SNRNP70: variants seen among roughly 807,000 people sequenced by gnomAD.
SNRNP70 encodes small nuclear ribonucleoprotein U1 subunit 70.
Under a neutral mutation model 50.5 loss-of-function variants are expected in SNRNP70, and 8 were observed. That is an observed-to-expected ratio of 0.16 (90% CI 0.09 to 0.29). The LOEUF (loss-of-function observed/expected upper bound fraction) is 0.29, where lower values mean the gene tolerates loss of function less well. SNRNP70 is among the 10% of genes least tolerant of loss of function. The probability of loss-of-function intolerance (pLI) is 1.00; values close to 1 mark genes in which losing one functional copy is unlikely to be tolerated. For synonymous variants in SNRNP70, 320 were observed against 252.9 expected (o/e 1.27, Z -2.52); for missense variants, 529 against 663.5 (o/e 0.80, Z 2.23).
Position 49,107,475 on chromosome 19 carries a change from C to T in SNRNP70, c.578-150C>T, listed in dbSNP as rs1035114903. ...ACGTGGCTGTCTTGTGATGGGAGTG[C>T]GCGGGATGAACTGCACGGGGGGACC... On this transcript the variant is annotated intron_variant, in intron 8 of 9. Transcript: ENST00000598441. The surrounding 1 kb of genome is among the most constrained non-coding windows in gnomAD (Gnocchi z 6.0). 1.3e-5 allele frequency: 9 copies of T among 669,176 alleles called. No individual in the cohort carries two copies. Among genetic ancestry groups the T allele is most frequent in the Middle Eastern group, 4.0e-4 (1 of 2,528 alleles). The allele number at this position is 669,176 out of a possible 1,614,324, so 41.5% of individuals were successfully genotyped here.
In SNRNP70 at chr19:49,108,197, G is replaced by A. The variant is rs1252611605; in HGVS notation, c.1068G>A (p.Arg356=). The A allele has an allele frequency of 6.5e-7, 1 of 1,532,848 alleles. No individual in the cohort carries two copies. Among genetic ancestry groups the A allele is most frequent in the Admixed American group, 2.1e-5 (1 of 47,676 alleles). 95.0% of individuals were successfully genotyped at this position (1,532,848 alleles called of 1,614,324 possible). A position where few individuals can be genotyped will look rare whatever the true frequency, so the allele number is the denominator to read the frequency against. The change falls in exon 10 of 10, where the codon CGG becomes CGA. Residue 356 remains arginine (R), a synonymous_variant. Transcript: ENST00000598441. ...KGRDRDRERR[R]SHRSERERRR... is the part of the protein sequence containing the mutation. Reference sequence around the variant, plus strand: ...GGGATCGTGACCGGGAGCGACGGCGGAGCCACCGGAGCGAGCGCGAGCGGC... The same window carrying A: ...GGGATCGTGACCGGGAGCGACGGCGAAGCCACCGGAGCGAGCGCGAGCGGC...
In SNRNP70 at chr19:49,101,426, C is replaced by T. The variant is rs202217939; in HGVS notation, c.430C>T (p.Arg144Cys). The T allele has an allele frequency of 6.2e-6, 10 of 1,614,038 alleles. No homozygotes were observed. Among genetic ancestry groups the T allele is most frequent in the African/African-American group, 2.7e-5 (2 of 75,056 alleles). The change falls in exon 7 of 10, where the codon CGT becomes TGT. Residue 144 changes from arginine to cysteine, a missense_variant. By Grantham distance (180) the Arg-to-Cys change is radical. Coordinates refer to ENST00000598441, the MANE Select transcript of SNRNP70 (RefSeq NM_003089.6). ...MVYSKRSGKP[R>C]GYAFIEYEHE... Reference sequence around the variant, plus strand: ...CTACAGTAAGCGGTCAGGAAAGCCCCGTGGCTATGCCTTCATCGAGTACGA... The same window carrying T: ...CTACAGTAAGCGGTCAGGAAAGCCCTGTGGCTATGCCTTCATCGAGTACGA...
intron 7 of SNRNP70, chr19:49,102,820 A>T (rs1314145455): frequency 6.5e-6 from 1 of 152,762 alleles, no homozygotes; most frequent in Non-Finnish European, 1.5e-5. Context: ...CACTGTCTAG[A>T]GACTTGAGAG....
chr19:49,085,712 C>T (rs914872486), intron 1 of SNRNP70, 76 bp downstream of exon 1: 3 of 449,306 alleles, frequency 6.7e-6, no homozygotes, highest in Non-Finnish European at 1.3e-5. Flanking sequence ...GCCCGGTCCT[C>T]TTCCCCGCGG....
chr19:49,105,096 G>A (rs538397123), intron 8 of SNRNP70, among the ~76,000 whole-genome samples: 2 of 152,176 alleles, frequency 1.3e-5, no homozygotes, highest in African/African-American at 4.8e-5. Flanking sequence ...ACGCATGCTG[G>A]GGTTGTAAAT....
chr19:49,101,345 G>A (rs767630590), intron 6 of SNRNP70, 45 bp from the exon 7 acceptor site: 6 of 1,493,332 alleles, frequency 4.0e-6, no homozygotes, highest in Non-Finnish European at 1.9e-6. Flanking sequence ...GTGGGGCGGA[G>A]CCGCCCTGTG....
intron 8 of SNRNP70, among the ~76,000 whole-genome samples, chr19:49,106,542 C>T (rs937989730): frequency 1.3e-5 from 2 of 152,120 alleles, no homozygotes; most frequent in African/African-American, 4.8e-5. Flanking sequence ...GGTGCCTGGT[C>T]CGCTGCCTGC....
intron 7 of SNRNP70, among the ~76,000 whole-genome samples, chr19:49,101,913 T>TC (rs1409541914): frequency 6.6e-6 from 1 of 151,108 alleles, no homozygotes; most frequent in Non-Finnish European, 1.5e-5. Flanking sequence ...ACCCTCCGCT[T>TC]CCCCAACCCT....
Position 49,090,519 on chromosome 19 carries a change from G to A in SNRNP70, c.264G>A (p.Met88Ile), listed in dbSNP as rs1249203649. ...RQQEVETELK[M>I]WDPHNDPNAQ... is the part of the protein sequence containing the mutation. ...AAGAAGTGGAGACAGAGCTTAAAAT[G>A]TGTAAGTCTCTCATCCACCATTTGG... Residue 88 changes from methionine to isoleucine, a missense_variant and splice_region_variant, in exon 4 of 10, where the codon ATG becomes ATA. By Grantham distance (10) the Met-to-Ile change is conservative. Around this residue, in one of 4 missense-constraint regions of SNRNP70, gnomAD observed 149 missense variants for 259.7 expected, o/e 0.57. Transcript: ENST00000598441. The A allele has an allele frequency of 3.7e-6, 6 of 1,613,872 alleles. No homozygotes were observed. The highest frequency in any genetic ancestry group is 2.7e-5 in the African/African-American group (2 of 74,900).
chr19:49,096,296 A>G (rs2040512666), intron 4 of SNRNP70, among the ~76,000 whole-genome samples: 1 of 151,632 alleles, frequency 6.6e-6, no homozygotes, highest in African/African-American at 2.4e-5. Flanking sequence ...ACCTCAGGTG[A>G]TCCGTCCGCC....
intron 7 of SNRNP70, chr19:49,102,545 CTGCCCCCG>C (rs1428871213): frequency 4.9e-6 from 1 of 202,276 alleles, no homozygotes; most frequent in Non-Finnish European, 1.1e-5. Flanking sequence ...CCTTCCCTCC[CTGCCCCCG>C]TGCTTTCTAT....
At chr19:49,088,231 C>T (rs756900751) in intron 2 of SNRNP70, among the ~76,000 whole-genome samples, 87 of 114,576 alleles carry the variant, frequency 7.6e-4, no homozygotes, top group Non-Finnish European at 9.8e-4. Context: ...GACTTGGAGT[C>T]TCGCTCTGTT....
In SNRNP70 at chr19:49,107,563, T is replaced by A. The variant is rs2040688579; in HGVS notation, c.578-62T>A. ...CCCTTTGCTCTTGGAGTCGGCTCAT[T>A]TCTGCTCCTCCGGGCCCTGTCCCTG... is the stretch of plus-strand genomic sequence containing the variant. On this transcript the variant is annotated intron_variant, in intron 8 of 9. Coordinates refer to ENST00000598441, the MANE Select transcript of SNRNP70 (RefSeq NM_003089.6). The surrounding 1 kb of genome is among the most constrained non-coding windows in gnomAD (Gnocchi z 6.0). 3 of 1,529,286 alleles carry A rather than the reference T, an allele frequency of 2.0e-6. No homozygotes were observed. Among genetic ancestry groups the A allele is most frequent in the Admixed American group, 1.7e-5 (1 of 58,854 alleles). 94.7% of individuals were successfully genotyped at this position (1,529,286 alleles called of 1,614,324 possible). A position where few individuals can be genotyped will look rare whatever the true frequency, so the allele number is the denominator to read the frequency against.
At chr19:49,101,668 C>T in intron 7 of SNRNP70, 197 bp downstream of exon 7, 1 of 589,806 alleles carries the variant, frequency 1.7e-6, no homozygotes, top group South Asian at 2.0e-5. Context: ...AAATCCCCCA[C>T]AACGTGTGTG....
At chr19:49,085,703 C>G (rs2040368450) in intron 1 of SNRNP70, 67 bp downstream of exon 1, 1 of 452,328 alleles carries the variant, frequency 2.2e-6, no homozygotes, top group South Asian at 1.6e-5. Context: ...CAGCGGTGGG[C>G]CCGGTCCTCT....
rs770884510 is a variant in SNRNP70 at position 49,101,493 on chromosome 19, C to T, written c.475+22C>T. On this transcript the variant is annotated intron_variant, in intron 7 of 9. Coordinates refer to ENST00000598441, the MANE Select transcript of SNRNP70 (RefSeq NM_003089.6). ...CACTGTGAGTACCTCCCGCCGAGCC[C>T]TGCCCTCTGACCTGCTCTCACTTCT... 7 of 1,580,570 alleles carry T rather than the reference C, an allele frequency of 4.4e-6. No homozygotes were observed. In the Admixed American group the frequency reaches 1.0e-4, roughly 23 times the overall value.
chr19:49,098,632 C>T lies in SNRNP70; in HGVS notation c.331-10C>T, dbSNP rs1205876243. ...TTCTCCCATTTAACGTCATATCCAT[C>T]TCCTTGTAGAATTATGACACAACAG... On this transcript the variant is annotated splice_polypyrimidine_tract_variant and intron_variant, in intron 5 of 9. Transcript: ENST00000598441. 8 of 1,613,112 alleles carry T rather than the reference C, an allele frequency of 5.0e-6. No homozygotes were observed. In the South Asian group the frequency reaches 7.7e-5, roughly 15 times the overall value.
At position 49,090,537 on chromosome 19, in the gene SNRNP70, C is replaced by G. The variant is rs1175656185; in HGVS notation, c.265+17C>G. On this transcript the variant is annotated intron_variant, in intron 4 of 9. Transcript: ENST00000598441. ...TTAAAATGTGTAAGTCTCTCATCCA[C>G]CATTTGGCTCTCTCCTCTCCCAAAC... 6.2e-7 allele frequency: 1 copy of G among 1,612,750 alleles called. No individual in the cohort carries two copies. Among genetic ancestry groups the G allele is most frequent in the South Asian group, 1.1e-5 (1 of 91,050 alleles).
intron 8 of SNRNP70, among the ~76,000 whole-genome samples, chr19:49,105,937 CAG>C (rs1161187953): frequency 6.6e-6 from 1 of 152,172 alleles, no homozygotes; most frequent in Non-Finnish European, 1.5e-5. Flanking sequence ...TTGATTGACT[CAG>C]TGTTGGGCCT....
Sources: allele counts gnomAD v4.1 joint callset (sites outside exome capture counted in the v4.1 genomes callset), GRCh38; gene constraint gnomAD v4.1.1; regional missense constraint gnomAD v4.1.1; non-coding constraint Gnocchi (gnomAD v3.1); transcripts MANE v1.5; gene names NCBI Gene and HGNC (gene_info 2026-07-23, HGNC 2026-07-21).